ACOT13: variants seen among roughly 807,000 people sequenced by gnomAD.
The protein encoded by ACOT13 is acyl-CoA thioesterase 13, also known as acyl-coenzyme A thioesterase 13.
Under a neutral mutation model 11.8 loss-of-function variants are expected in ACOT13, and 10 were observed. The ratio of observed to expected loss-of-function variants is 0.85; its 90% CI spans 0.53 to 1.44. The LOEUF (loss-of-function observed/expected upper bound fraction) is 1.44. Ranked by LOEUF, ACOT13 falls within the 40% of genes most tolerant of loss-of-function variation. The probability of loss-of-function intolerance (pLI) is 0.00; values close to 1 mark genes in which losing one functional copy is unlikely to be tolerated. For synonymous variants in ACOT13, 53 were observed against 61.0 expected, an observed-to-expected ratio of 0.87 and a Z score of 0.61; for missense variants, 172 against 174.1, an observed-to-expected ratio of 0.99 and a Z score of 0.07.
chr6:24,681,340 A>C (rs569530828), intron 1 of ACOT13, among the ~76,000 whole-genome samples: 1 of 152,198 alleles, frequency 6.6e-6, no homozygotes, highest in Non-Finnish European at 1.5e-5. Flanking sequence ...TTTTATAGGA[A>C]AGCTACAGGT....
intron 1 of ACOT13, among the ~76,000 whole-genome samples, chr6:24,669,511 G>A (rs1778323688): frequency 6.6e-6 from 1 of 152,052 alleles, no homozygotes; most frequent in Non-Finnish European, 1.5e-5. Flanking sequence ...TTAGTGATTT[G>A]GGGGCCCAAG....
At chr6:24,686,285 A>T (rs1279188016) in intron 1 of ACOT13, among the ~76,000 whole-genome samples, 1 of 152,194 alleles carries the variant, frequency 6.6e-6, no homozygotes, top group Non-Finnish European at 1.5e-5. Context: ...ATCCTTTTTT[A>T]AAAATTTTGG....
chr6:24,693,839 T>C (rs1031072730), intron 1 of ACOT13, among the ~76,000 whole-genome samples: 3 of 151,644 alleles, frequency 2.0e-5, no homozygotes, highest in Admixed American at 2.0e-4. Flanking sequence ...TTCTCCTGCC[T>C]CAGCCTCCCA....
chr6:24,689,112 T>C (rs565501311), intron 1 of ACOT13, among the ~76,000 whole-genome samples: 14 of 152,188 alleles, frequency 9.2e-5, no homozygotes, highest in South Asian at 4.1e-4. Context: ...TGAGCTGAGA[T>C]TGTGCCACTG....
At chr6:24,674,400 G>T (rs1778410760) in intron 1 of ACOT13, among the ~76,000 whole-genome samples, 1 of 118,680 alleles carries the variant, frequency 8.4e-6, no homozygotes, top group Non-Finnish European at 2.1e-5. Flanking sequence ...CGTTTTTGGG[G>T]GGTTTTGTTT....
intron 2 of ACOT13, among the ~76,000 whole-genome samples, chr6:24,700,605 T>C (rs1778876953): frequency 6.6e-6 from 1 of 151,916 alleles, no homozygotes; most frequent in Non-Finnish European, 1.5e-5. Context: ...CTAGCTAACT[T>C]CTGTATTTTT....
chr6:24,678,121 G>A (rs1778486743), intron 1 of ACOT13, among the ~76,000 whole-genome samples: 1 of 152,166 alleles, frequency 6.6e-6, no homozygotes, highest in African/African-American at 2.4e-5. Context: ...CAAATAGATG[G>A]GCGCTATGCT....
At chr6:24,667,458 C>T (rs541138061) in intron 1 of ACOT13, 114 bp downstream of exon 1, 9 of 939,642 alleles carry the variant, frequency 9.6e-6, no homozygotes, top group Non-Finnish European at 1.3e-5. Context: ...TGTTCTAGTA[C>T]GCCTGTAAAT....
At chr6:24,680,227 C>T (rs970418511) in intron 1 of ACOT13, among the ~76,000 whole-genome samples, 3 of 152,132 alleles carry the variant, frequency 2.0e-5, no homozygotes, top group African/African-American at 7.2e-5. Context: ...AGAGGTCAAG[C>T]TGTAAGATGG....
chr6:24,697,882 G>C lies in ACOT13; in HGVS notation c.82-1G>C. On this transcript the variant is annotated splice_acceptor_variant, in intron 1 of 2. Coordinates refer to ENST00000230048, the MANE Select transcript of ACOT13 (RefSeq NM_018473.4). LOFTEE classifies it high-confidence loss of function. ...TTCAGGATTCTTTTTTTTACACTTA[G>C]ATTACTCTTGTCTCTGCTGCTCCTG... The C allele has an allele frequency of 6.9e-6, 11 of 1,592,832 alleles. No homozygotes were observed. The highest frequency in any genetic ancestry group is 9.4e-6 in the Non-Finnish European group (11 of 1,171,904).
chr6:24,674,554 G>A (rs141382236), intron 1 of ACOT13, among the ~76,000 whole-genome samples: 101 of 151,958 alleles, frequency 6.6e-4, no homozygotes, highest in African/African-American at 2.3e-3. Flanking sequence ...GATTACAGGC[G>A]CCTGCCACCA....
intron 1 of ACOT13, among the ~76,000 whole-genome samples, chr6:24,684,544 G>A (rs1168439054): frequency 3.5e-5 from 1 of 28,816 alleles, no homozygotes; most frequent in Non-Finnish European, 6.0e-5. Context: ...TGATATGCCC[G>A]TTGAACCAGA....
intron 1 of ACOT13, among the ~76,000 whole-genome samples, chr6:24,695,334 T>C (rs374433191): frequency 6.6e-6 from 1 of 151,866 alleles, no homozygotes; most frequent in African/African-American, 2.4e-5. Context: ...AAACAACACA[T>C]TAAAACTACC....
intron 1 of ACOT13, among the ~76,000 whole-genome samples, chr6:24,680,415 G>A (rs900789733): frequency 2.6e-5 from 4 of 151,944 alleles, no homozygotes; most frequent in African/African-American, 4.8e-5. Flanking sequence ...TGTGGGGAAC[G>A]TTTCCGATCT....
At chr6:24,700,240 A>G (rs1448050606) in intron 2 of ACOT13, among the ~76,000 whole-genome samples, 3 of 152,192 alleles carry the variant, frequency 2.0e-5, no homozygotes, top group African/African-American at 7.2e-5. Flanking sequence ...CTGTAGCACA[A>G]AGGGTTCCTT....
At chr6:24,693,658 A>T (rs1778750093) in intron 1 of ACOT13, among the ~76,000 whole-genome samples, 1 of 151,412 alleles carries the variant, frequency 6.6e-6, no homozygotes, top group Admixed American at 6.6e-5. Context: ...TGTCATGTGG[A>T]GTGTCTCTTT....
At chr6:24,685,411 A>G (rs1472819372) in intron 1 of ACOT13, among the ~76,000 whole-genome samples, 7 of 148,412 alleles carry the variant, frequency 4.7e-5, no homozygotes, top group African/African-American at 1.2e-4. Flanking sequence ...CAGTGGTGCA[A>G]TCTCGGCTCA....
At chr6:24,695,898 A>G (rs2127628137) in intron 1 of ACOT13, among the ~76,000 whole-genome samples, 1 of 152,256 alleles carries the variant, frequency 6.6e-6, no homozygotes, top group African/African-American at 2.4e-5. Flanking sequence ...TCTCTCCTAA[A>G]AATACAAAAA....
rs1282668043 is a variant in ACOT13, at chr6:24,704,366, A to C, written c.*2751A>C. On this transcript the variant is annotated 3_prime_UTR_variant, in exon 3 of 3. Coordinates refer to ENST00000230048, the MANE Select transcript of ACOT13 (RefSeq NM_018473.4). ...GTAAACAATGGCTGCCAAAATGCCT[A>C]ACTTGGTGAACATAAGTGTAATTCA... The C allele has an allele frequency of 6.6e-6, 1 of 152,246 alleles. No homozygotes were observed. Among genetic ancestry groups the C allele is most frequent in the East Asian group, 1.9e-4 (1 of 5,204 alleles). The allele number at this position is 152,246 out of a possible 1,614,324, so 9.4% of individuals were successfully genotyped here. A position where few individuals can be genotyped will look rare whatever the true frequency, so the allele number is the denominator to read the frequency against.
Sources: gnomAD v4.1 joint callset for allele counts (sites outside exome capture counted in the v4.1 genomes callset) on GRCh38, gnomAD v4.1.1 for gene constraint, MANE v1.5 for transcripts, NCBI Gene and HGNC (gene_info 2026-07-23, HGNC 2026-07-21) for gene names.